Variants in MAGI1 observed in about 807,000 individuals in gnomAD.
MAGI1 encodes membrane-associated guanylate kinase, WW and PDZ domain-containing protein 1.
MAGI1 carries 58 observed loss-of-function variants against 139.9 expected under a neutral mutation model. The ratio of observed to expected loss-of-function variants is 0.41; its 90% CI spans 0.34 to 0.52. The LOEUF is 0.52. MAGI1 is among the 20% of genes least tolerant of loss of function. The pLI, the probability that MAGI1 is intolerant of heterozygous loss-of-function variation, is 0.12. For synonymous variants in MAGI1, 812 were observed against 737.9 expected (o/e 1.10, Z -1.63); for missense variants, 1,874 against 1,901.6 (o/e 0.99, Z 0.27).
At chr3:65,462,881 T>C (rs549258483) in intron 5 of MAGI1, among the ~76,000 whole-genome samples, 1 of 152,328 alleles carries the variant, frequency 6.6e-6, no homozygotes, top group South Asian at 2.1e-4. Context: ...TTTGTAGCCA[T>C]TGTGAATGGG....
chr3:65,678,697 C>T (rs1299785608), intron 1 of MAGI1, among the ~76,000 whole-genome samples: 4 of 152,198 alleles, frequency 2.6e-5, no homozygotes, highest in Admixed American at 2.0e-4. Context: ...CCTTTCTTCT[C>T]TTTCCTTTTG....
chr3:65,647,736 T>C (rs1334782854), intron 1 of MAGI1, among the ~76,000 whole-genome samples: 1 of 152,090 alleles, frequency 6.6e-6, no homozygotes, highest in East Asian at 1.9e-4. Flanking sequence ...AAACTACAAA[T>C]ATGCAAGTTC....
chr3:65,926,614 A>G (rs2062535469), intron 1 of MAGI1, among the ~76,000 whole-genome samples: 1 of 152,186 alleles, frequency 6.6e-6, no homozygotes, highest in African/African-American at 2.4e-5. Flanking sequence ...TGGTGATGAG[A>G]GTGACCTCTG....
intron 1 of MAGI1, among the ~76,000 whole-genome samples, chr3:65,659,183 C>A (rs770714719): frequency 1.1e-4 from 17 of 152,006 alleles, no homozygotes; most frequent in Admixed American, 9.2e-4. Flanking sequence ...AGTACAGTTA[C>A]CCGAGAACTT....
At chr3:65,369,842 C>CTTA (rs1575614846) in intron 18 of MAGI1, among the ~76,000 whole-genome samples, 5 of 152,226 alleles carry the variant, frequency 3.3e-5, no homozygotes, top group Admixed American at 6.5e-5. Flanking sequence ...GCTTAGAAAC[C>CTTA]ACTCTGAGTT....
intron 1 of MAGI1, among the ~76,000 whole-genome samples, chr3:65,855,118 G>C (rs1214422789): frequency 6.6e-6 from 1 of 152,120 alleles, no homozygotes; most frequent in Non-Finnish European, 1.5e-5. Context: ...CGTGGGGGGC[G>C]GGGGTGAGTT....
intron 1 of MAGI1, among the ~76,000 whole-genome samples, chr3:65,816,675 G>C (rs997143264): frequency 6.6e-6 from 1 of 151,626 alleles, no homozygotes; most frequent in Non-Finnish European, 1.5e-5. Context: ...TGGAAAATAT[G>C]TCAAATATAT....
intron 1 of MAGI1, among the ~76,000 whole-genome samples, chr3:65,668,657 C>G (rs1395556397): frequency 6.7e-6 from 1 of 149,948 alleles, no homozygotes; most frequent in African/African-American, 2.5e-5. Flanking sequence ...ACCTCTGCCC[C>G]CTAGGTTCAA....
At chr3:65,502,392 T>TAGCATA (rs1490833039) in intron 2 of MAGI1, among the ~76,000 whole-genome samples, 1 of 94,216 alleles carries the variant, frequency 1.1e-5, no homozygotes, top group Non-Finnish European at 2.1e-5. Context: ...ACTTTCTGCT[T>TAGCATA]AGCATAAGGA....
Position 65,572,268 on chromosome 3 carries a change from A to G in MAGI1, c.430+49704T>C, listed in dbSNP as rs570830976. ...TTATAAACAATTAAATTAATACTCT[A>G]AGAGATCAGAGGATGATCTAAGGTC... On this transcript the variant is annotated intron_variant, in intron 2 of 22. Transcript: ENST00000402939. Among the ~76,000 whole-genome samples, 4 of 152,250 alleles carry G rather than the reference A, an allele frequency of 2.6e-5. No homozygotes were observed. In the South Asian group the frequency reaches 8.3e-4, roughly 32 times the overall value.
chr3:65,532,897 G>C (rs1207590310), intron 2 of MAGI1: 2 of 152,224 alleles, frequency 1.3e-5, no homozygotes, highest in Non-Finnish European at 2.9e-5. Flanking sequence ...CCCTCAAATG[G>C]CACAACGTTA....
chr3:65,897,175 T>G (rs974959946), intron 1 of MAGI1, among the ~76,000 whole-genome samples: 1 of 152,238 alleles, frequency 6.6e-6, no homozygotes, highest in Non-Finnish European at 1.5e-5. Context: ...ACTGGTTATA[T>G]TTGATAGGTG....
chr3:65,949,798 T>C (rs559419988), intron 1 of MAGI1, among the ~76,000 whole-genome samples: 26 of 152,210 alleles, frequency 1.7e-4, no homozygotes, highest in Non-Finnish European at 2.5e-4. Flanking sequence ...TTAAACTAGA[T>C]TGGGGCTGGG....
chr3:65,997,422 T>G (rs550959796), intron 1 of MAGI1, among the ~76,000 whole-genome samples: 9 of 152,094 alleles, frequency 5.9e-5, no homozygotes, highest in African/African-American at 9.6e-5. Context: ...TTTGGGAGGC[T>G]GAGGCAGGTG....
chr3:65,868,568 A>T (rs896725936), intron 1 of MAGI1, among the ~76,000 whole-genome samples: 1 of 152,128 alleles, frequency 6.6e-6, no homozygotes, highest in Non-Finnish European at 1.5e-5. Flanking sequence ...CACTCAGCAT[A>T]TATCTTTGGG....
chr3:65,860,596 C>T (rs2059524522), intron 1 of MAGI1, among the ~76,000 whole-genome samples: 1 of 152,184 alleles, frequency 6.6e-6, no homozygotes, highest in Admixed American at 6.5e-5. Flanking sequence ...GGGGATCTGC[C>T]ATGGTAATGG....
chr3:65,439,521 C>A (rs1023906346), intron 9 of MAGI1, among the ~76,000 whole-genome samples: 1 of 152,138 alleles, frequency 6.6e-6, no homozygotes, highest in Non-Finnish European at 1.5e-5. Context: ...TAGTTTCATG[C>A]CCAGTAACTC....
At chr3:65,913,188 C>A (rs1193254310) in intron 1 of MAGI1, among the ~76,000 whole-genome samples, 7 of 152,042 alleles carry the variant, frequency 4.6e-5, no homozygotes, top group Non-Finnish European at 1.0e-4. Context: ...AGGTTGAACC[C>A]AGGAGGCAGA....
intron 1 of MAGI1, among the ~76,000 whole-genome samples, chr3:65,819,800 C>G (rs2108244765): frequency 7.0e-6 from 1 of 142,008 alleles, no homozygotes; most frequent in East Asian, 2.2e-4. Context: ...TCGCTTGAAC[C>G]CAGGAGGCAG....
Sources: gnomAD v4.1 joint callset for allele counts (sites outside exome capture counted in the v4.1 genomes callset) on GRCh38, gnomAD v4.1.1 for gene constraint, MANE v1.5 for transcripts, NCBI Gene and HGNC (gene_info 2026-07-23, HGNC 2026-07-21) for gene names.